The following HUNK variants were observed in gnomAD, a reference collection of about 807,000 sequenced individuals.
HUNK encodes hormonally up-regulated neu tumor-associated kinase.
Under a neutral mutation model 61.0 loss-of-function variants are expected in HUNK, and 21 were observed. That is an observed-to-expected ratio of 0.34 (90% CI 0.24 to 0.50). The LOEUF is 0.50. Among genes scored for constraint, HUNK ranks in the 20% least tolerant of loss-of-function variants. The pLI is 0.98. For synonymous variants in HUNK, 371 were observed against 386.1 expected, an observed-to-expected ratio of 0.96 and a Z score of 0.46; for missense variants, 772 against 945.7, an observed-to-expected ratio of 0.82 and a Z score of 2.41.
intron 6 of HUNK, 124 bp downstream of exon 6, chr21:31,968,509 C>G: frequency 1.8e-6 from 2 of 1,098,350 alleles, no homozygotes; most frequent in Non-Finnish European, 2.6e-6. Context: ...TTGGCTATCT[C>G]CCCTTCCCCC....
At chr21:31,909,238 C>T (rs976117544) in intron 1 of HUNK, among the ~76,000 whole-genome samples, 2 of 152,238 alleles carry the variant, frequency 1.3e-5, no homozygotes, top group Non-Finnish European at 2.9e-5. Context: ...CCCAGCAATT[C>T]TACCTTGCTA....
At chr21:31,984,638 G>C (rs560631588) in intron 8 of HUNK, among the ~76,000 whole-genome samples, 2 of 152,342 alleles carry the variant, frequency 1.3e-5, no homozygotes, top group African/African-American at 4.8e-5. Flanking sequence ...TTAGGAAACT[G>C]TGTCTGTGAA....
intron 7 of HUNK, among the ~76,000 whole-genome samples, chr21:31,980,853 C>T (rs13433403): frequency 0.14 from 21,205 of 152,120 alleles, 1,643 homozygotes; most frequent in Non-Finnish European, 0.18. Context: ...TATAGGCATG[C>T]GCCACCATGC....
Position 31,901,912 on chromosome 21 carries a change from C to T in HUNK, c.262-22556C>T, listed in dbSNP as rs372119155. Among the ~76,000 whole-genome samples, 112 of 152,214 alleles carry T rather than the reference C, an allele frequency of 7.4e-4. 1 individual carries two copies. In the South Asian group the frequency reaches 0.022, roughly 29 times the overall value. On this transcript the variant is annotated intron_variant, in intron 1 of 10. Coordinates refer to ENST00000270112, the MANE Select transcript of HUNK (RefSeq NM_014586.2). Reference sequence around the variant, plus strand: ...CAGCTCAGGCCTCAACCAGGTCATACCACCCCTCTAGATGGCAAGGGGCTA... The same window carrying T: ...CAGCTCAGGCCTCAACCAGGTCATATCACCCCTCTAGATGGCAAGGGGCTA...
chr21:31,946,751 A>AT (rs2052806340), intron 4 of HUNK, among the ~76,000 whole-genome samples: 2 of 152,020 alleles, frequency 1.3e-5, no homozygotes, highest in Admixed American at 6.5e-5. Context: ...AGTAGCTGAG[A>AT]TTACAGGCAT....
intron 6 of HUNK, among the ~76,000 whole-genome samples, chr21:31,968,715 AGT>A (rs746064468): frequency 0.043 from 3,820 of 88,050 alleles, 107 homozygotes; most frequent in African/African-American, 0.097. Context: ...CTGTGGCCCG[AGT>A]GTGTGTGTGT....
chr21:31,995,576 C>T (rs1449873842), intron 9 of HUNK, among the ~76,000 whole-genome samples, 192 bp from the exon 10 acceptor site: 2 of 152,150 alleles, frequency 1.3e-5, no homozygotes, highest in Middle Eastern at 6.3e-3. Flanking sequence ...CTCTCGCTGC[C>T]CAGGCAGAGG....
intron 1 of HUNK, among the ~76,000 whole-genome samples, chr21:31,881,327 T>C (rs545575183): frequency 9.9e-5 from 15 of 152,160 alleles, no homozygotes; most frequent in Non-Finnish European, 2.2e-4. Flanking sequence ...TCTCGTTACC[T>C]TGAAATATAC....
intron 7 of HUNK, among the ~76,000 whole-genome samples, chr21:31,979,340 A>G (rs1292433818): frequency 3.3e-5 from 5 of 151,182 alleles, no homozygotes; most frequent in Non-Finnish European, 5.9e-5. Flanking sequence ...GATGGTCTCA[A>G]TCTCTTGACC....
chr21:31,994,306 G>A (rs1211895013), intron 9 of HUNK, among the ~76,000 whole-genome samples: 2 of 152,196 alleles, frequency 1.3e-5, no homozygotes, highest in East Asian at 1.9e-4. Flanking sequence ...CTTGCCACGA[G>A]GCTCAGCATC....
intron 1 of HUNK, among the ~76,000 whole-genome samples, chr21:31,899,182 A>G (rs1286622295): frequency 6.6e-6 from 1 of 152,156 alleles, no homozygotes; most frequent in Non-Finnish European, 1.5e-5. Context: ...GTTCTCTATT[A>G]GTTTCCTGGG....
chr21:31,901,531 A>C (rs2052467782), intron 1 of HUNK, among the ~76,000 whole-genome samples: 1 of 152,190 alleles, frequency 6.6e-6, no homozygotes, highest in Admixed American at 6.5e-5. Flanking sequence ...GGCCACAGAG[A>C]TTGGCAGGCC....
At chr21:31,957,436 G>A (rs1351702731) in intron 4 of HUNK, among the ~76,000 whole-genome samples, 3 of 152,172 alleles carry the variant, frequency 2.0e-5, no homozygotes, top group Non-Finnish European at 2.9e-5. Flanking sequence ...TAGTGGGAGC[G>A]GTGGGCTCCA....
chr21:31,943,902 A>T (rs946634195), intron 3 of HUNK, among the ~76,000 whole-genome samples: 1 of 152,228 alleles, frequency 6.6e-6, no homozygotes, highest in African/African-American at 2.4e-5. Context: ...AACAATTTCC[A>T]GGACTCTGAT....
intron 4 of HUNK, among the ~76,000 whole-genome samples, chr21:31,958,321 G>A (rs1406888910): frequency 1.4e-5 from 2 of 146,134 alleles, no homozygotes; most frequent in Admixed American, 6.8e-5. Context: ...TTTTTGAGAC[G>A]GAATTTCACT....
intron 8 of HUNK, among the ~76,000 whole-genome samples, chr21:31,989,713 CAAAA>C (rs758563763): frequency 5.0e-5 from 4 of 80,298 alleles, no homozygotes; most frequent in Admixed American, 1.5e-4. Context: ...GACTCGGTCT[CAAAA>C]AAAAAAAAAA....
intron 7 of HUNK, among the ~76,000 whole-genome samples, chr21:31,980,748 AG>A (rs2053092020): frequency 6.6e-6 from 1 of 151,064 alleles, no homozygotes; most frequent in African/African-American, 2.4e-5. Context: ...CTTGTTGTCC[AG>A]GCTGGAGTGC....
chr21:31,982,030 C>T (rs1244122078), intron 7 of HUNK, among the ~76,000 whole-genome samples: 2 of 152,094 alleles, frequency 1.3e-5, no homozygotes, highest in Non-Finnish European at 2.9e-5. Context: ...TTAATCCCAG[C>T]GTTCCTTAGC....
intron 1 of HUNK, among the ~76,000 whole-genome samples, chr21:31,921,127 C>T (rs1343419414): frequency 7.4e-6 from 1 of 135,286 alleles, no homozygotes; most frequent in Non-Finnish European, 1.5e-5. Flanking sequence ...TGCATTCCAG[C>T]CTGGGCCACA....
Sources: gnomAD v4.1 joint callset for allele counts (sites outside exome capture counted in the v4.1 genomes callset) on GRCh38, gnomAD v4.1.1 for gene constraint, MANE v1.5 for transcripts, NCBI Gene and HGNC (gene_info 2026-07-23, HGNC 2026-07-21) for gene names.